Variants in ANKRD18A observed in about 807,000 individuals in gnomAD.
ANKRD18A encodes ankyrin repeat domain 18A.
In ANKRD18A, 72 loss-of-function variants were observed where a neutral mutation model predicts 110.6. That is an observed-to-expected ratio of 0.65 (90% confidence interval 0.54 to 0.79). The LOEUF (loss-of-function observed/expected upper bound fraction) is 0.79. ANKRD18A is among the 30% of genes least tolerant of loss of function. The pLI, the probability that ANKRD18A is intolerant of heterozygous loss-of-function variation, is 0.00. For synonymous variants in ANKRD18A, 305 were observed against 410.3 expected (o/e 0.74, Z 3.10); for missense variants, 934 against 1,163.3 (o/e 0.80, Z 2.87).
At chr9:38,609,972 A>C (rs950771211) in intron 5 of ANKRD18A, among the ~76,000 whole-genome samples, 2 of 152,044 alleles carry the variant, frequency 1.3e-5, no homozygotes, top group East Asian at 3.8e-4. Flanking sequence ...GAAAGAAAGA[A>C]AAAGTAAAAG....
intron 10 of ANKRD18A, among the ~76,000 whole-genome samples, chr9:38,593,350 C>A (rs143450991): frequency 6.6e-6 from 1 of 152,098 alleles, no homozygotes; most frequent in Non-Finnish European, 1.5e-5. Context: ...GAAATGAATA[C>A]GCACAGCTGC....
chr9:38,611,140 C>A, intron 4 of ANKRD18A, 75 bp downstream of exon 4: 1 of 1,469,626 alleles, frequency 6.8e-7, no homozygotes, highest in Non-Finnish European at 9.0e-7. Flanking sequence ...ACATTTCTGA[C>A]TTGAGTGACT....
chr9:38,611,947 C>A (rs1825638004), intron 3 of ANKRD18A, among the ~76,000 whole-genome samples: 1 of 152,112 alleles, frequency 6.6e-6, no homozygotes, highest in Non-Finnish European at 1.5e-5. Context: ...ATTTTAGGAA[C>A]TAGAGTTTCA....
intron 1 of ANKRD18A, among the ~76,000 whole-genome samples, chr9:38,618,683 C>T (rs1825953742): frequency 6.6e-6 from 1 of 152,106 alleles, no homozygotes; most frequent in Admixed American, 6.5e-5. Flanking sequence ...GTGGATAGAA[C>T]ACAGTCTCAC....
chr9:38,591,628 G>C (rs1824653212), intron 10 of ANKRD18A, among the ~76,000 whole-genome samples: 1 of 152,228 alleles, frequency 6.6e-6, no homozygotes, highest in Non-Finnish European at 1.5e-5. Flanking sequence ...GTATGTGTTA[G>C]GGAGGTGGCA....
intron 13 of ANKRD18A, 87 bp downstream of exon 13, chr9:38,577,780 C>T: frequency 7.2e-7 from 1 of 1,393,362 alleles, no homozygotes; most frequent in Non-Finnish European, 9.4e-7. Context: ...GCAGAGGAAA[C>T]ACAATATATA....
chr9:38,595,621 G>T lies in ANKRD18A; in HGVS notation c.1719C>A (p.Val573=). 2 of 1,550,812 alleles carry T rather than the reference G, an allele frequency of 1.3e-6. No homozygotes were observed. The highest frequency in any genetic ancestry group is 1.7e-6 in the Non-Finnish European group (2 of 1,146,536). Residue 573 remains valine (V), a synonymous_variant, in exon 9 of 16, where the codon GTC becomes GTA. Coordinates refer to ENST00000399703, the MANE Select transcript of ANKRD18A (RefSeq NM_147195.4). ...ARKEGDNKEI[V]INIHRDCLEN... Reference sequence around the variant, plus strand: ...CAAGACAGTCTCTGTGGATATTAATGACTATCTCTTTATTATCGCCTTCCT... The same window carrying T: ...CAAGACAGTCTCTGTGGATATTAATTACTATCTCTTTATTATCGCCTTCCT...
chr9:38,569,514 G>A (rs1823561817), downstream of ANKRD18A: 15 of 927,500 alleles, frequency 1.6e-5, no homozygotes, highest in Non-Finnish European at 1.7e-5. Flanking sequence ...ACAACACAGA[G>A]GCGATGGGGA....
downstream of ANKRD18A, chr9:38,569,111 G>T: frequency 4.1e-6 from 4 of 985,426 alleles, no homozygotes; most frequent in Non-Finnish European, 3.6e-6. Flanking sequence ...GGGGTCAGAT[G>T]CAGGAACCAA....
intron 1 of ANKRD18A, among the ~76,000 whole-genome samples, chr9:38,618,107 C>T (rs28372983): frequency 1.3e-5 from 2 of 152,182 alleles, no homozygotes; most frequent in East Asian, 3.9e-4. Context: ...TTCAAACCCT[C>T]ACAATAATAA....
intron 10 of ANKRD18A, among the ~76,000 whole-genome samples, chr9:38,589,339 TA>T (rs1238357578): frequency 2.6e-5 from 4 of 152,292 alleles, no homozygotes; most frequent in African/African-American, 9.6e-5. Context: ...ATTGTGTTTT[TA>T]TATTGAAACT....
intron 15 of ANKRD18A, among the ~76,000 whole-genome samples, chr9:38,574,212 T>C (rs898060344): frequency 1.5e-4 from 23 of 152,212 alleles, no homozygotes; most frequent in African/African-American, 5.3e-4. Context: ...GCTGTATCCA[T>C]GTTGCTGCAA....
chr9:38,583,892 C>G (rs1341539347), intron 12 of ANKRD18A, among the ~76,000 whole-genome samples: 1 of 152,146 alleles, frequency 6.6e-6, no homozygotes, highest in Non-Finnish European at 1.5e-5. Flanking sequence ...AATCTCCAGG[C>G]CCACAAGTGT....
In ANKRD18A at chr9:38,618,753, C is replaced by A. The variant is rs145351172; in HGVS notation, c.206+1327G>T. 3.7e-4 allele frequency among the ~76,000 whole-genome samples: 57 copies of A among 152,114 alleles called. No homozygotes were observed. The East Asian group carries it at 0.011, about 29-fold the overall frequency. On this transcript the variant is annotated intron_variant, in intron 1 of 15. Coordinates refer to ENST00000399703, the MANE Select transcript of ANKRD18A (RefSeq NM_147195.4). ...GATTTTTTCCTATGTACATAAGTAA[C>A]TTGTGAATCTGCAAAAAGTGCTTTG...
At position 38,596,164 on chromosome 9, in the gene ANKRD18A, A is replaced by T; in HGVS notation, c.1176T>A (p.Asn392Lys). The T allele has an allele frequency of 6.5e-7, 1 of 1,547,338 alleles. No homozygotes were observed. The highest frequency in any genetic ancestry group is 1.4e-5 in the African/African-American group (1 of 72,812). ...KTVARYSQQL[N>K]DLKAENARLN... ...GCCTTGCATTCTCAGCTTTCAGATC[A>T]TTAAGCTGTTGCGAATACCGGGCCA... is the stretch of plus-strand genomic sequence containing the variant. Residue 392 changes from asparagine (N) to lysine (K), a missense_variant, in exon 9 of 16, where the codon AAT becomes AAA. Asn to Lys is a moderately conservative substitution (Grantham distance 94, BLOSUM62 0). This residue lies in a region of ANKRD18A where 630 missense variants were observed against 797.5 expected (regional missense o/e 0.79). Transcript: ENST00000399703.
chr9:38,586,555 T>G (rs115855659), intron 11 of ANKRD18A, among the ~76,000 whole-genome samples: 3,486 of 148,114 alleles, frequency 0.024, 54 homozygotes, highest in African/African-American at 0.048. Context: ...CAGTTTTTGG[T>G]TTTTTTTTTG....
rs1326166776 is a variant in ANKRD18A at position 38,615,710 on chromosome 9, G to C, written c.379C>G (p.Pro127Ala). ...TTGCCGTAGATATCCTCAATGTTTG[G>C]ATTGGCGCCACATTCCAGGAGAACG... Reference protein sequence around the residue: ...AIVLLECGANPNIEDIYGNTA... With the variant: ...AIVLLECGANANIEDIYGNTA... Residue 127 changes from proline (P) to alanine (A), a missense_variant, in exon 3 of 16, where the codon CCA becomes GCA. This residue lies in a region of ANKRD18A where 630 missense variants were observed against 797.5 expected (regional missense o/e 0.79). Transcript: ENST00000399703. 1 of 1,612,822 alleles carries C rather than the reference G, an allele frequency of 6.2e-7. No individual in the cohort carries two copies.
intron 12 of ANKRD18A, among the ~76,000 whole-genome samples, chr9:38,579,769 GC>G (rs1369506570): frequency 4.6e-5 from 7 of 152,054 alleles, no homozygotes; most frequent in African/African-American, 1.7e-4. Flanking sequence ...ACAACATGAG[GC>G]TTTCTCAAAA....
In ANKRD18A at chr9:38,575,631, G is replaced by A; in HGVS notation, c.2809C>T (p.Leu937Phe). 1 of 1,551,706 alleles carries A rather than the reference G, an allele frequency of 6.4e-7. No individual in the cohort carries two copies. Among genetic ancestry groups the A allele is most frequent in the Non-Finnish European group, 8.7e-7 (1 of 1,146,862 alleles). ...FTEKQRMKYFLSTLPTRPEPE... is the reference protein window; with the variant it reads ...FTEKQRMKYFFSTLPTRPEPE... ...TCTGGCCTTGTAGGAAGAGTGCTGA[G>A]AAAATATTTCATCCGCTGTTTCTCC... Residue 937 changes from leucine to phenylalanine, a missense_variant, in exon 15 of 16, where the codon CTC becomes TTC. Physicochemically the swap from Leu to Phe is conservative, Grantham distance 22. Around this residue, in one of 4 missense-constraint regions of ANKRD18A, gnomAD observed 223 missense variants for 226.7 expected, o/e 0.98. Transcript: ENST00000399703.
Sources: allele counts gnomAD v4.1 joint callset (sites outside exome capture counted in the v4.1 genomes callset), GRCh38; gene constraint gnomAD v4.1.1; regional missense constraint gnomAD v4.1.1; transcripts MANE v1.5; gene names NCBI Gene and HGNC (gene_info 2026-07-23, HGNC 2026-07-21).